Variants in NXPE2 observed in about 807,000 individuals in gnomAD.
NXPE2 encodes NXPE family member 2.
NXPE2 carries 34 observed loss-of-function variants against 34.4 expected under a neutral mutation model. The ratio of observed to expected loss-of-function variants is 0.99; its 90% CI spans 0.75 to 1.31. The LOEUF (loss-of-function observed/expected upper bound fraction) is 1.31, where lower values mean the gene tolerates loss of function less well. Ranked by LOEUF, NXPE2 falls within the 40% of genes most tolerant of loss-of-function variation. NXPE2 has a pLI of 0.00. For missense variants in NXPE2, 649 were observed against 672.5 expected (o/e 0.97, Z 0.39); for synonymous variants, 235 against 231.3 (o/e 1.02, Z -0.15).
the NXPE2 span, among the ~76,000 whole-genome samples, chr11:114,588,082 A>G: frequency 6.6e-6 from 1 of 152,164 alleles, no homozygotes; most frequent in African/African-American, 2.4e-5. Flanking sequence ...CAGCAGTCAT[A>G]TCAGGAGGGC....
the NXPE2 span, among the ~76,000 whole-genome samples, chr11:114,661,711 C>T: frequency 1.3e-5 from 2 of 152,212 alleles, no homozygotes; most frequent in African/African-American, 2.4e-5. Flanking sequence ...AGAAGAACTG[C>T]ATTGGCCAAG....
At chr11:114,695,563 G>A (rs1193262937) in intron 2 of NXPE2, among the ~76,000 whole-genome samples, 1 of 151,918 alleles carries the variant, frequency 6.6e-6, no homozygotes, top group Non-Finnish European at 1.5e-5. Flanking sequence ...GAGACTTCTG[G>A]TACATTTTAA....
chr11:114,632,095 T>C, the NXPE2 span, among the ~76,000 whole-genome samples: 1 of 144,934 alleles, frequency 6.9e-6, no homozygotes, highest in East Asian at 1.9e-4. Flanking sequence ...ATATTGTAAA[T>C]ATAATGTAAT....
the NXPE2 span, among the ~76,000 whole-genome samples, chr11:114,812,339 A>G: frequency 6.6e-6 from 1 of 152,238 alleles, no homozygotes; most frequent in African/African-American, 2.4e-5. Flanking sequence ...CTTCTGTCCC[A>G]GAGCATATCT....
the NXPE2 span, among the ~76,000 whole-genome samples, chr11:114,593,664 A>G: frequency 6.6e-6 from 1 of 152,156 alleles, no homozygotes; most frequent in Non-Finnish European, 1.5e-5. Context: ...CAGCAATCCC[A>G]CTGCTAGGTA....
chr11:114,725,958 A>G, the NXPE2 span, among the ~76,000 whole-genome samples: 39 of 67,758 alleles, frequency 5.8e-4, no homozygotes, highest in Non-Finnish European at 1.0e-3. Context: ...CCTAGAACTT[A>G]AAGTATAATA....
the NXPE2 span, among the ~76,000 whole-genome samples, chr11:114,603,670 C>G: frequency 6.6e-6 from 1 of 151,620 alleles, no homozygotes; most frequent in Non-Finnish European, 1.5e-5. Context: ...TGCCTCGTCT[C>G]TTGGGTAACT....
chr11:114,594,757 C>T, the NXPE2 span: 7 of 1,470,356 alleles, frequency 4.8e-6, no homozygotes, highest in East Asian at 2.3e-5. Flanking sequence ...TACTTATTTT[C>T]ATGATTAGGA....
the NXPE2 span, among the ~76,000 whole-genome samples, chr11:114,537,336 C>T: frequency 2.6e-5 from 4 of 152,126 alleles, no homozygotes; most frequent in Non-Finnish European, 5.9e-5. Flanking sequence ...ACTGAATGGA[C>T]AAAAACTGGG....
chr11:114,539,035 A>C, the NXPE2 span, among the ~76,000 whole-genome samples: 1 of 152,234 alleles, frequency 6.6e-6, no homozygotes, highest in Non-Finnish European at 1.5e-5. Context: ...GAACCAACCC[A>C]AATGTCCAAC....
chr11:114,601,963 T>A, the NXPE2 span, among the ~76,000 whole-genome samples: 2 of 81,208 alleles, frequency 2.5e-5, no homozygotes, highest in Non-Finnish European at 4.3e-5. Context: ...TAATATTATA[T>A]ATTATATATT....
the NXPE2 span, among the ~76,000 whole-genome samples, chr11:114,712,477 A>T: frequency 6.6e-6 from 1 of 152,244 alleles, no homozygotes; most frequent in Non-Finnish European, 1.5e-5. Flanking sequence ...ATATTTCTTC[A>T]CAAAAGATAT....
At chr11:114,625,588 C>T in the NXPE2 span, among the ~76,000 whole-genome samples, 4 of 152,198 alleles carry the variant, frequency 2.6e-5, no homozygotes, top group African/African-American at 9.7e-5. Flanking sequence ...TGGGTAACCA[C>T]TGTTATCTGG....
At chr11:114,810,142 A>G in the NXPE2 span, among the ~76,000 whole-genome samples, 129,035 of 135,374 alleles carry the variant, frequency 0.95, 61,835 homozygotes, top group Middle Eastern at 1. Flanking sequence ...AGCCATATGT[A>G]GAAAGCTGAA....
the NXPE2 span, among the ~76,000 whole-genome samples, chr11:114,733,584 G>A: frequency 5.3e-4 from 81 of 152,202 alleles, no homozygotes; most frequent in African/African-American, 1.8e-3. Flanking sequence ...CTTGGGTGCC[G>A]TAAGTTATCT....
chr11:114,675,697 G>A (rs914671841), upstream of NXPE2, among the ~76,000 whole-genome samples: 6 of 151,796 alleles, frequency 4.0e-5, no homozygotes, highest in Admixed American at 1.3e-4. Context: ...CAGATTTAAC[G>A]TCATCTTTAT....
At chr11:114,739,280 T>TTTCCTTCCTTCCTTCCTTCC in the NXPE2 span, among the ~76,000 whole-genome samples, 2 of 96,884 alleles carry the variant, frequency 2.1e-5, no homozygotes, top group African/African-American at 8.1e-5. Flanking sequence ...TTGCCATTAT[T>TTTCCTTCCTTCCTTCCTTCC]TTCCTTCCTT....
At chr11:114,657,311 T>A in the NXPE2 span, among the ~76,000 whole-genome samples, 1 of 152,152 alleles carries the variant, frequency 6.6e-6, no homozygotes, top group African/African-American at 2.4e-5. Flanking sequence ...CGATATAGAA[T>A]TTAGAGGAGT....
the NXPE2 span, among the ~76,000 whole-genome samples, chr11:114,756,554 A>C: frequency 4.9e-3 from 740 of 152,168 alleles, 3 homozygotes; most frequent in African/African-American, 0.016. Context: ...ATGGCCAATA[A>C]TTTTTCTCCA....
Sources: allele counts gnomAD v4.1 joint callset (sites outside exome capture counted in the v4.1 genomes callset), GRCh38; gene constraint gnomAD v4.1.1; transcripts MANE v1.5; gene names NCBI Gene and HGNC (gene_info 2026-07-23, HGNC 2026-07-21).